The following SAV1 variants were observed in gnomAD, a reference collection of about 807,000 sequenced individuals.
SAV1 encodes protein salvador homolog 1.
Under a neutral mutation model 47.3 loss-of-function variants are expected in SAV1, and 23 were observed. That is an observed-to-expected ratio of 0.49 (90% confidence interval 0.35 to 0.69). SAV1 has a LOEUF of 0.69. Ranked by LOEUF, SAV1 falls within the 30% of genes least tolerant of loss-of-function variation. The pLI, the probability that SAV1 is intolerant of heterozygous loss-of-function variation, is 0.01. For missense variants in SAV1, 448 were observed against 457.4 expected, an observed-to-expected ratio of 0.98 and a Z score of 0.19; for synonymous variants, 155 against 159.2, an observed-to-expected ratio of 0.97 and a Z score of 0.20.
At chr14:50,646,558 C>T (rs1023629840) in intron 2 of SAV1, among the ~76,000 whole-genome samples, 4 of 151,928 alleles carry the variant, frequency 2.6e-5, no homozygotes, top group South Asian at 2.1e-4. Flanking sequence ...TGGTGGCGGA[C>T]GCCTGTAATC....
rs763451737 is a variant in SAV1 at position 50,635,143 on chromosome 14, T to G, written c.*40A>C. The G allele has an allele frequency of 2.9e-5, 43 of 1,488,778 alleles. No individual in the cohort carries two copies. The highest frequency in any genetic ancestry group is 3.4e-5 in the Non-Finnish European group (36 of 1,070,532). 92.2% of individuals were successfully genotyped at this position (1,488,778 alleles called of 1,614,324 possible). A position where few individuals can be genotyped will look rare whatever the true frequency, so the allele number is the denominator to read the frequency against. ...TGCAATTTTTTATCTGTGAAAATAT[T>G]TTAAAGCTCTTACAAAACTTAAATT... On this transcript the variant is annotated 3_prime_UTR_variant, in exon 5 of 5. Transcript: ENST00000324679.
At chr14:50,651,066 C>G (rs370222818) in intron 2 of SAV1, among the ~76,000 whole-genome samples, 1 of 4,276 alleles carries the variant, frequency 2.3e-4, no homozygotes, top group South Asian at 0.25. Flanking sequence ...TCAGCCAGAG[C>G]GAAGCTTCGG....
intron 4 of SAV1, among the ~76,000 whole-genome samples, chr14:50,640,437 C>G (rs555964017): frequency 7.9e-5 from 12 of 152,268 alleles, no homozygotes; most frequent in African/African-American, 2.9e-4. Flanking sequence ...TTACTTTTAT[C>G]ACAAGTACTG....
intron 4 of SAV1, among the ~76,000 whole-genome samples, chr14:50,640,083 A>G (rs2039669381): frequency 6.6e-6 from 1 of 152,190 alleles, no homozygotes; most frequent in Non-Finnish European, 1.5e-5. Context: ...TCCTGGGCTC[A>G]AGCAGTCCTC....
At chr14:50,645,675 A>G (rs2039715694) in intron 2 of SAV1, among the ~76,000 whole-genome samples, 1 of 142,670 alleles carries the variant, frequency 7.0e-6, no homozygotes, top group Non-Finnish European at 1.5e-5. Context: ...TATACTGCCA[A>G]AAGAAAAGTG....
chr14:50,663,961 TC>T (rs1427583169), intron 2 of SAV1, among the ~76,000 whole-genome samples: 1 of 152,212 alleles, frequency 6.6e-6, no homozygotes, highest in Non-Finnish European at 1.5e-5. Flanking sequence ...ATTGTGCTAT[TC>T]CCAATTTTCC....
At chr14:50,640,698 A>G (rs1260306990) in intron 4 of SAV1, 52 bp downstream of exon 4, 1 of 1,547,918 alleles carries the variant, frequency 6.5e-7, no homozygotes, top group South Asian at 1.2e-5. Context: ...CAGAGACTCC[A>G]TTCAGCCCTT....
At chr14:50,663,635 C>T (rs143220881) in intron 2 of SAV1, among the ~76,000 whole-genome samples, 1,649 of 152,240 alleles carry the variant, frequency 0.011, 27 homozygotes, top group African/African-American at 0.037. Context: ...CAGTGATCTG[C>T]TTTCTCCTAA....
At chr14:50,640,580 G>A (rs2039672875) in intron 4 of SAV1, among the ~76,000 whole-genome samples, 170 bp downstream of exon 4, 1 of 152,180 alleles carries the variant, frequency 6.6e-6, no homozygotes, top group Non-Finnish European at 1.5e-5. Context: ...TCTAATTAAT[G>A]ATTTTCACAC....
rs972617774 is a variant in SAV1, at chr14:50,645,108, G to C, written c.536-94C>G. 2.9e-6 allele frequency: 3 copies of C among 1,028,716 alleles called. No homozygotes were observed. The African/African-American group carries it at 4.9e-5, about 17-fold the overall frequency. 63.7% of individuals were successfully genotyped at this position (1,028,716 alleles called of 1,614,324 possible). A position where few individuals can be genotyped will look rare whatever the true frequency, so the allele number is the denominator to read the frequency against. On this transcript the variant is annotated intron_variant, in intron 2 of 4. Coordinates refer to ENST00000324679, the MANE Select transcript of SAV1 (RefSeq NM_021818.4). ...GCAAAGTCACAACATTAACTATCCT[G>C]ATTGTACTCTTCTATTTAAATTCAT...
At chr14:50,640,918 T>G in intron 3 of SAV1, 25 bp from the exon 4 acceptor site, 1 of 1,578,602 alleles carries the variant, frequency 6.3e-7, no homozygotes, top group Non-Finnish European at 8.6e-7. Context: ...GTGACATTCT[T>G]TAGGATAAAG....
chr14:50,653,187 T>C (rs1348991028), intron 2 of SAV1, among the ~76,000 whole-genome samples: 7 of 152,158 alleles, frequency 4.6e-5, no homozygotes, highest in African/African-American at 1.7e-4. Context: ...TGCAATGCAG[T>C]ACACTCTGGA....
chr14:50,639,096 G>A (rs1251096112), intron 4 of SAV1, among the ~76,000 whole-genome samples: 1 of 152,188 alleles, frequency 6.6e-6, no homozygotes, highest in African/African-American at 2.4e-5. Flanking sequence ...CTATAGTTCA[G>A]CTTGAGTACA....
In SAV1 at chr14:50,644,739, T is replaced by C. The variant is rs1014644426; in HGVS notation, c.806+5A>G. 2 of 1,608,080 alleles carry C rather than the reference T, an allele frequency of 1.2e-6. No homozygotes were observed. Among genetic ancestry groups the C allele is most frequent in the East Asian group, 2.2e-5 (1 of 44,762 alleles). The stretch of plus-strand genomic sequence containing the variant: ...AAAAAGTTGAAAATAAAGTTGATAC[T>C]GTACCTAGGAGCACAGGGATGCCTG... On this transcript the variant is annotated splice_donor_5th_base_variant and intron_variant, in intron 3 of 4. Transcript: ENST00000324679.
In SAV1 at chr14:50,644,812, G is replaced by A. The variant is rs752709976; in HGVS notation, c.738C>T (p.Ser246=). 2.6e-5 allele frequency: 42 copies of A among 1,613,962 alleles called. No individual in the cohort carries two copies. In the South Asian group the frequency reaches 3.1e-4, roughly 12 times the overall value. The change falls in exon 3 of 5, where the codon TCC becomes TCT. Residue 246 remains serine, a synonymous_variant. Transcript: ENST00000324679. ...GATCTACATAATAGGTTCCAAATTC[G>A]GATGACTCAACTCGTTCCCATCCAG... ...LPPGWERVES[S]EFGTYYVDHT...
intron 2 of SAV1, among the ~76,000 whole-genome samples, chr14:50,653,597 A>C (rs1315940973): frequency 6.6e-6 from 1 of 152,176 alleles, no homozygotes; most frequent in East Asian, 1.9e-4. Flanking sequence ...ACGGCCGGAC[A>C]CGGTGGCTCA....
intron 3 of SAV1, among the ~76,000 whole-genome samples, chr14:50,643,823 A>G (rs2039699821): frequency 6.6e-6 from 1 of 152,260 alleles, no homozygotes; most frequent in Non-Finnish European, 1.5e-5. Flanking sequence ...CAATAATGAT[A>G]AAGCTTAGTT....
Position 50,647,305 on chromosome 14 carries a change from C to T in SAV1, c.536-2291G>A, listed in dbSNP as rs891272568. The stretch of plus-strand genomic sequence containing the variant: ...GGACACTAAGAGAAAGAAAATCAAG[C>T]TGTAAACAGGGAGAAAATGTTTGCA... On this transcript the variant is annotated intron_variant, in intron 2 of 4. Coordinates refer to ENST00000324679, the MANE Select transcript of SAV1 (RefSeq NM_021818.4). Among the ~76,000 whole-genome samples, 45 of 152,198 alleles carry T rather than the reference C, an allele frequency of 3.0e-4. 1 individual carries two copies. Among genetic ancestry groups the T allele is most frequent in the African/African-American group, 1.1e-3 (45 of 41,500 alleles).
chr14:50,634,379 G>GCT lies in SAV1; in HGVS notation c.*802_*803dup, dbSNP rs937234113. The GCT allele has an allele frequency of 1.0e-4, 30 of 291,998 alleles. No individual in the cohort carries two copies. The highest frequency in any genetic ancestry group is 1.5e-4 in the South Asian group (5 of 32,986). 18.1% of individuals were successfully genotyped at this position (291,998 alleles called of 1,614,324 possible). ...TTTTTATTTTTTGAGACAAGGTCTG[G>GCT]CTCTCTCTCTCTCAGGCTGCAGTGC... On this transcript the variant is annotated 3_prime_UTR_variant, in exon 5 of 5. Transcript: ENST00000324679.
Sources: gnomAD v4.1 joint callset for allele counts (sites outside exome capture counted in the v4.1 genomes callset) on GRCh38, gnomAD v4.1.1 for gene constraint, MANE v1.5 for transcripts, NCBI Gene and HGNC (gene_info 2026-07-23, HGNC 2026-07-21) for gene names.